Variants in SEC13 observed in about 807,000 individuals in gnomAD.
SEC13 encodes protein SEC13 homolog.
Under a neutral mutation model 49.2 loss-of-function variants are expected in SEC13, and 25 were observed. That is an observed-to-expected ratio of 0.51 (90% CI 0.37 to 0.71). The LOEUF (loss-of-function observed/expected upper bound fraction) is 0.71, where lower values mean the gene tolerates loss of function less well. Among genes scored for constraint, SEC13 ranks in the 30% least tolerant of loss-of-function variants. SEC13 has a pLI of 0.00. For synonymous variants in SEC13, 148 were observed against 163.9 expected, an observed-to-expected ratio of 0.90 and a Z score of 0.74; for missense variants, 383 against 417.6, an observed-to-expected ratio of 0.92 and a Z score of 0.72.
chr3:10,315,417 T>C lies in SEC13; in HGVS notation c.68A>G (p.Tyr23Cys), dbSNP rs1559500100. The change falls in exon 3 of 9, where the codon TAC becomes TGC. Residue 23 changes from tyrosine to cysteine, a missense_variant. Physicochemically the swap from Tyr to Cys is radical, Grantham distance 194. Coordinates refer to ENST00000350697, the MANE Select transcript of SEC13 (RefSeq NM_183352.3). ...EDMIHDAQMD[Y>C]YGTRLATCSS... ...GCAGGTTGCCAGGCGGGTGCCATAG[T>C]AGTCCATCTGGGCGTCGTGCTGCAA... The C allele has an allele frequency of 2.7e-6, 4 of 1,479,818 alleles. No homozygotes were observed. Among genetic ancestry groups the C allele is most frequent in the Non-Finnish European group, 3.6e-6 (4 of 1,101,276 alleles). The allele number at this position is 1,479,818 out of a possible 1,614,324, so 91.7% of individuals were successfully genotyped here.
At position 10,318,854 on chromosome 3, in the gene SEC13, T is replaced by C. The variant is rs1244772144; in HGVS notation, c.4-760A>G. The stretch of plus-strand genomic sequence containing the variant: ...CCTCAAATGGCTGGACTCTCTTGCA[T>C]ATCTTCAGCAAGGAACACATACAAC... On this transcript the variant is annotated intron_variant, in intron 1 of 8. Transcript: ENST00000350697. 7.9e-5 allele frequency among the ~76,000 whole-genome samples: 12 copies of C among 152,354 alleles called. No homozygotes were observed. The South Asian group carries it at 2.5e-3, about 32-fold the overall frequency.
At position 10,312,038 on chromosome 3, in the gene SEC13, T is replaced by C. The variant is rs1042565073; in HGVS notation, c.377A>G (p.Asp126Gly). Residue 126 changes from aspartate (D) to glycine (G), a missense_variant, in exon 5 of 9, where the codon GAT becomes GGT. Physicochemically the swap from Asp to Gly is moderately conservative, Grantham distance 94 (BLOSUM62 -1). Coordinates refer to ENST00000350697, the MANE Select transcript of SEC13 (RefSeq NM_183352.3). The part of the protein sequence containing the change: ...YGLILACGSS[D>G]GAISLLTYTG... ...GTAAGTCAGCAGGGAGATGGCCCCA[T>C]CCGAGCTCCCACAGGCCAGGATCAG... is the stretch of plus-strand genomic sequence containing the variant. 2.5e-6 allele frequency: 4 copies of C among 1,613,812 alleles called. No homozygotes were observed. Among genetic ancestry groups the C allele is most frequent in the African/African-American group, 1.3e-5 (1 of 75,032 alleles).
In SEC13 at chr3:10,303,267, C is replaced by T. The variant is rs545717685; in HGVS notation, c.855+759G>A. Among the ~76,000 whole-genome samples, 53 of 152,214 alleles carry T rather than the reference C, an allele frequency of 3.5e-4. 1 individual carries two copies. In the South Asian group the frequency reaches 0.011, roughly 30 times the overall value. On this transcript the variant is annotated intron_variant, in intron 8 of 8. Coordinates refer to ENST00000350697, the MANE Select transcript of SEC13 (RefSeq NM_183352.3). ...GATCCAGACCAACTCGCACTTCAGG[C>T]GCAGAGCAGATGTGCCTGAAAACGC... is the stretch of plus-strand genomic sequence containing the variant.
At chr3:10,311,247 T>C (rs543704603) in intron 5 of SEC13, among the ~76,000 whole-genome samples, 1 of 152,302 alleles carries the variant, frequency 6.6e-6, no homozygotes, top group East Asian at 1.9e-4. Context: ...CAGGGCTGGC[T>C]TCTGCCTCAT....
intron 7 of SEC13, 110 bp downstream of exon 7, chr3:10,304,923 C>A: frequency 6.6e-7 from 1 of 1,521,766 alleles, no homozygotes; most frequent in South Asian, 1.1e-5. Context: ...GCCAAAGGTG[C>A]CTGTTGCTCT....
At chr3:10,319,087 G>A in intron 1 of SEC13, 1 of 1,485,110 alleles carries the variant, frequency 6.7e-7, no homozygotes, top group Non-Finnish European at 9.1e-7. Context: ...AAATTCTTGG[G>A]ATAGAAAAGA....
intron 8 of SEC13, chr3:10,303,516 C>G (rs935885919): frequency 5.4e-5 from 11 of 203,348 alleles, no homozygotes; most frequent in Admixed American, 5.3e-4. Context: ...CAGCTGGTCT[C>G]CAGAACTCTT....
intron 5 of SEC13, 165 bp downstream of exon 5, chr3:10,311,800 G>T (rs764304221): frequency 2.0e-6 from 3 of 1,484,386 alleles, no homozygotes; most frequent in Non-Finnish European, 2.7e-6. Flanking sequence ...TGGCTTCAGG[G>T]CAGAGAGGCT....
intron 5 of SEC13, among the ~76,000 whole-genome samples, chr3:10,310,696 A>G (rs928649576): frequency 2.0e-5 from 3 of 152,224 alleles, no homozygotes; most frequent in African/African-American, 7.2e-5. Context: ...ACACAGAATT[A>G]CCATATGACT....
chr3:10,303,773 A>G (rs1335818324), intron 8 of SEC13: 5 of 526,028 alleles, frequency 9.5e-6, no homozygotes, highest in African/African-American at 7.6e-5. Flanking sequence ...CTGCCACCTC[A>G]TAGTTTTGGG....
At position 10,312,642 on chromosome 3, in the gene SEC13, TA is replaced by T; in HGVS notation, c.252del (p.Ile85SerfsTer22). On this transcript the variant is annotated frameshift_variant, in exon 4 of 9. Coordinates refer to ENST00000350697, the MANE Select transcript of SEC13 (RefSeq NM_183352.3). LOFTEE classifies it high-confidence loss of function. ...LASCSYDRKV[I>X]IWREENGTWE... ...CAGGTGCCGTTTTCCTCTCTCCAGA[TA>T]ATGACTTTCCGGTCATAGGAGCACG... 1 of 1,614,184 alleles carries T rather than the reference TA, an allele frequency of 6.2e-7. No individual in the cohort carries two copies. The highest frequency in any genetic ancestry group is 8.5e-7 in the Non-Finnish European group (1 of 1,180,032).
intron 2 of SEC13, among the ~76,000 whole-genome samples, chr3:10,317,797 G>A (rs900090372): frequency 1.3e-5 from 2 of 152,158 alleles, no homozygotes; most frequent in Non-Finnish European, 2.9e-5. Context: ...AAGACTGACA[G>A]CCTAGAACTA....
chr3:10,303,290 C>T (rs559126803), intron 8 of SEC13, among the ~76,000 whole-genome samples: 2 of 152,272 alleles, frequency 1.3e-5, no homozygotes, highest in South Asian at 4.1e-4. Context: ...TGCCTGAAAA[C>T]GCAGCACAGC....
intron 5 of SEC13, chr3:10,311,638 C>A: frequency 1.7e-6 from 2 of 1,156,252 alleles, no homozygotes; most frequent in Non-Finnish European, 2.1e-6. Context: ...TTTAATAACA[C>A]CACTCCATTC....
At chr3:10,301,890 A>ATAGCTAAGAGCTGAAAAGGTT (rs1700546976) in intron 8 of SEC13, among the ~76,000 whole-genome samples, 2 of 152,206 alleles carry the variant, frequency 1.3e-5, no homozygotes, top group Non-Finnish European at 2.9e-5. Flanking sequence ...TGTATAAGAA[A>ATAGCTAAGAGCTGAAAAGGTT]TAGCTAAGAG....
chr3:10,302,275 T>C (rs975100100), intron 8 of SEC13, among the ~76,000 whole-genome samples: 1 of 152,098 alleles, frequency 6.6e-6, no homozygotes, highest in Non-Finnish European at 1.5e-5. Flanking sequence ...TCTAAACCTA[T>C]GTACATATAT....
chr3:10,309,682 G>T (rs1306254866), intron 5 of SEC13, among the ~76,000 whole-genome samples: 1 of 152,166 alleles, frequency 6.6e-6, no homozygotes, highest in Non-Finnish European at 1.5e-5. Context: ...GGTTATGTGG[G>T]CATGTCTTTC....
intron 1 of SEC13, 109 bp downstream of exon 1, chr3:10,320,941 G>C: frequency 6.4e-7 from 1 of 1,557,372 alleles, no homozygotes; most frequent in Non-Finnish European, 8.7e-7. Context: ...CGGTGGAGGG[G>C]AGCTGAACGG....
At chr3:10,318,630 T>C (rs546367678) in intron 1 of SEC13, among the ~76,000 whole-genome samples, 1 of 152,286 alleles carries the variant, frequency 6.6e-6, no homozygotes, top group South Asian at 2.1e-4. Context: ...AGTTTATGCA[T>C]AACGGGGTTA....
Sources: allele counts gnomAD v4.1 joint callset (sites outside exome capture counted in the v4.1 genomes callset), GRCh38; gene constraint gnomAD v4.1.1; transcripts MANE v1.5; gene names NCBI Gene and HGNC (gene_info 2026-07-23, HGNC 2026-07-21).